The following CDYL variants were observed in gnomAD, a reference collection of about 807,000 sequenced individuals.
CDYL encodes the protein chromodomain Y-like protein.
A neutral mutation model predicts 47.3 loss-of-function variants in CDYL; 8 were observed. The ratio of observed to expected loss-of-function variants is 0.17; its 90% CI spans 0.10 to 0.31. The LOEUF is 0.31. Ranked by LOEUF, CDYL falls within the 10% of genes least tolerant of loss-of-function variation. The pLI, the probability that CDYL is intolerant of heterozygous loss-of-function variation, is 1.00. For missense variants in CDYL, 471 were observed against 701.4 expected (o/e 0.67, Z 3.71); for synonymous variants, 266 against 265.0 (o/e 1.00, Z -0.04).
At chr6:4,791,794 A>G (rs998176788) in intron 1 of CDYL, among the ~76,000 whole-genome samples, 1 of 152,150 alleles carries the variant, frequency 6.6e-6, no homozygotes, top group African/African-American at 2.4e-5. Flanking sequence ...GAGTAGATGT[A>G]TACAGTTAAC....
chr6:4,952,151 T>C (rs1266925332), intron 5 of CDYL, 115 bp from the exon 6 acceptor site: 2 of 1,255,282 alleles, frequency 1.6e-6, no homozygotes, highest in African/African-American at 3.0e-5. Flanking sequence ...GTGCCCCATT[T>C]CCCTGCGGGG....
At position 4,762,047 on chromosome 6, in the gene CDYL, C is replaced by T. The variant is rs547753419; in HGVS notation, c.186+27203C>T. ...TTCCCCTGTGAGCAAGACCAGAAGG[C>T]GGAGAGAACAACATGCTGAGTTATG... On this transcript the variant is annotated intron_variant, in intron 3 of 8. Transcript: ENST00000328908. Among the ~76,000 whole-genome samples, 89 of 152,238 alleles carry T rather than the reference C, an allele frequency of 5.8e-4. 1 individual carries two copies. The highest frequency in any genetic ancestry group is 1.0e-3 in the Non-Finnish European group (69 of 68,012).
At chr6:4,927,344 A>G (rs1757904334) in intron 2 of CDYL, among the ~76,000 whole-genome samples, 1 of 127,370 alleles carries the variant, frequency 7.9e-6, no homozygotes, top group Admixed American at 8.8e-5. Flanking sequence ...TCTAATCTGA[A>G]GGTAGAAAGA....
intron 1 of CDYL, among the ~76,000 whole-genome samples, chr6:4,852,397 C>A (rs1760861092): frequency 7.6e-6 from 1 of 132,074 alleles, no homozygotes; most frequent in South Asian, 2.3e-4. Context: ...TTCCTTCCTT[C>A]CTCCTTCCTT....
In CDYL at chr6:4,781,653, T is replaced by G. The variant is rs563091867; in HGVS notation, c.24+4846T>G. Among the ~76,000 whole-genome samples, 7 of 152,334 alleles carry G rather than the reference T, an allele frequency of 4.6e-5. No individual in the cohort carries two copies. The South Asian group carries it at 1.5e-3, about 32-fold the overall frequency. On this transcript the variant is annotated intron_variant, in intron 1 of 6. Coordinates refer to ENST00000397588, the MANE Select transcript of CDYL (RefSeq NM_004824.4). ...ATTCCTGTGTACCAGAATAGCGTTT[T>G]TTTCATTCTTGCTGTGATATCTAAG...
intron 3 of CDYL, among the ~76,000 whole-genome samples, chr6:4,744,435 C>A (rs1757852148): frequency 6.6e-6 from 1 of 151,998 alleles, no homozygotes; most frequent in African/African-American, 2.4e-5. Context: ...TTCAAGGCTG[C>A]AGTGAGCTAT....
intron 3 of CDYL, among the ~76,000 whole-genome samples, chr6:4,736,075 C>T (rs1457529641): frequency 1.3e-5 from 2 of 152,182 alleles, no homozygotes; most frequent in Non-Finnish European, 2.9e-5. Context: ...CCCACTCCCC[C>T]AGCCCCTGTC....
chr6:4,835,859 C>T (rs181588915), intron 1 of CDYL, among the ~76,000 whole-genome samples: 345 of 152,304 alleles, frequency 2.3e-3, no homozygotes, highest in African/African-American at 7.7e-3. Context: ...AGCGAGACTC[C>T]GTGGGCGCAG....
chr6:4,885,090 C>T (rs181244837), intron 1 of CDYL, among the ~76,000 whole-genome samples: 4 of 152,070 alleles, frequency 2.6e-5, no homozygotes, highest in African/African-American at 9.7e-5. Flanking sequence ...ACCTCCTTGG[C>T]TCAAGTAATC....
chr6:4,783,146 C>T (rs549113367), intron 1 of CDYL, among the ~76,000 whole-genome samples: 4 of 151,554 alleles, frequency 2.6e-5, no homozygotes, highest in Non-Finnish European at 5.9e-5. Flanking sequence ...TCAATCAGAT[C>T]GTCCATCTTC....
intron 1 of CDYL, among the ~76,000 whole-genome samples, chr6:4,812,890 G>C (rs984699603): frequency 6.6e-6 from 1 of 152,022 alleles, no homozygotes; most frequent in African/African-American, 2.4e-5. Flanking sequence ...GAATGTATAG[G>C]TATATGTGCA....
chr6:4,874,224 G>A (rs1226706940), intron 1 of CDYL, among the ~76,000 whole-genome samples: 1 of 152,048 alleles, frequency 6.6e-6, no homozygotes, highest in Non-Finnish European at 1.5e-5. Context: ...TCAGAATTTG[G>A]TGGGTATTCT....
intron 1 of CDYL, among the ~76,000 whole-genome samples, chr6:4,709,051 T>G (rs992811407): frequency 1.3e-5 from 2 of 152,142 alleles, no homozygotes; most frequent in Non-Finnish European, 2.9e-5. Context: ...TAACTTTTTT[T>G]TAGTTAACAG....
rs201394930 is a variant in CDYL at position 4,892,372 on chromosome 6, C to T, written c.684C>T (p.Asn228=). 9.8e-5 allele frequency: 158 copies of T among 1,605,850 alleles called. No homozygotes were observed. In the East Asian group the frequency reaches 2.9e-3, roughly 30 times the overall value. ...CCATGGCCACAGGCTTAGCTGTTAA[C>T]GGGAAAGGTGAGTGTCTAGGGAGCT... ...TAAMATGLAV[N]GKGTSPFMDA... Residue 228 remains asparagine (N), a synonymous_variant, in exon 2 of 7, where the codon AAC becomes AAT. Transcript: ENST00000397588.
intron 1 of CDYL, among the ~76,000 whole-genome samples, chr6:4,792,406 T>C (rs1758949188): frequency 6.6e-6 from 1 of 151,740 alleles, no homozygotes; most frequent in South Asian, 2.1e-4. Context: ...GACATTTTAA[T>C]GTAGTCAAAT....
Position 4,758,370 on chromosome 6 carries a change from A to ATATATATATC in CDYL, c.186+23527_186+23528insATATATATCT, listed in dbSNP as rs140149693. ...TAAATAAATATATATATATATATAT[A>ATATATATATC]TCTCTTTGTGGCCAGCACGGTGGCT... On this transcript the variant is annotated intron_variant, in intron 3 of 8. Transcript: ENST00000328908. Among the ~76,000 whole-genome samples, 112 of 137,806 alleles carry ATATATATATC rather than the reference A, an allele frequency of 8.1e-4. 1 individual carries two copies. Among genetic ancestry groups the ATATATATATC allele is most frequent in the African/African-American group, 2.8e-3 (97 of 35,076 alleles). The allele number at this position is 137,806 out of a possible 152,430, so 90.4% of individuals were successfully genotyped here.
rs148428605 is a variant in CDYL, at chr6:4,735,249, C to T, written c.186+405C>T. ...TGCGGTGAGCTGAGATTCATTACATCGTTGCACTCTAGCCTGGGTAACAAC... is the reference window on the plus strand; with the variant it reads ...TGCGGTGAGCTGAGATTCATTACATTGTTGCACTCTAGCCTGGGTAACAAC... On this transcript the variant is annotated intron_variant, in intron 3 of 8. Transcript: ENST00000328908. Among the ~76,000 whole-genome samples the T allele has an allele frequency of 9.1e-4, 137 of 150,530 alleles. 1 individual carries two copies. Among genetic ancestry groups the T allele is most frequent in the Non-Finnish European group, 1.6e-3 (106 of 67,672 alleles).
At chr6:4,939,314 G>A (rs1327686008) in intron 4 of CDYL, among the ~76,000 whole-genome samples, 1 of 152,050 alleles carries the variant, frequency 6.6e-6, no homozygotes, top group African/African-American at 2.4e-5. Context: ...TGTTGAGTCT[G>A]GGGTAGGCAG....
chr6:4,900,182 C>A (rs752251133), intron 2 of CDYL, among the ~76,000 whole-genome samples: 2 of 152,084 alleles, frequency 1.3e-5, no homozygotes, highest in Non-Finnish European at 2.9e-5. Flanking sequence ...AATTTATATT[C>A]TTTTATATGA....
Sources: gnomAD v4.1 joint callset for allele counts (sites outside exome capture counted in the v4.1 genomes callset) on GRCh38, gnomAD v4.1.1 for gene constraint, MANE v1.5 for transcripts, NCBI Gene and HGNC (gene_info 2026-07-23, HGNC 2026-07-21) for gene names.